The following ADAMTSL1 variants were observed in gnomAD, a reference collection of about 807,000 sequenced individuals.
The protein encoded by ADAMTSL1 is ADAMTS like 1, also known as ADAMTS-like protein 1.
Under a neutral mutation model 201.8 loss-of-function variants are expected in ADAMTSL1, and 126 were observed. The ratio of observed to expected loss-of-function variants is 0.62; its 90% confidence interval spans 0.54 to 0.72. ADAMTSL1 has a LOEUF of 0.72. Ranked by LOEUF, ADAMTSL1 falls within the 30% of genes least tolerant of loss-of-function variation. The probability of loss-of-function intolerance (pLI) is 0.00; values close to 1 mark genes in which losing one functional copy is unlikely to be tolerated. For missense variants in ADAMTSL1, 2,679 were observed against 2,277.8 expected (o/e 1.18, Z -3.59); for synonymous variants, 1,121 against 903.4 (o/e 1.24, Z -4.32).
chr9:18,409,759 A>G lies in ADAMTSL1; in HGVS notation c.208-95070A>G, dbSNP rs1458422956. The stretch of plus-strand genomic sequence containing the variant: ...AGTATCATGTATATATACATAACAT[A>G]TATGTATACATACATACATGTTATG... On this transcript the variant is annotated intron_variant, in intron 2 of 29. Coordinates refer to the ADAMTSL1 transcript ENST00000680146. Among the ~76,000 whole-genome samples, 3 of 150,596 alleles carry G rather than the reference A, an allele frequency of 2.0e-5. No homozygotes were observed. The East Asian group carries it at 6.0e-4, about 30-fold the overall frequency.
intron 4 of ADAMTSL1, among the ~76,000 whole-genome samples, chr9:18,621,784 C>G (rs1826048778): frequency 6.6e-6 from 1 of 152,184 alleles, no homozygotes; most frequent in Admixed American, 6.5e-5. Context: ...CCTTACGCAG[C>G]ATACGTTCTA....
chr9:18,886,244 A>T (rs1393909244), intron 23 of ADAMTSL1, among the ~76,000 whole-genome samples: 3 of 147,954 alleles, frequency 2.0e-5, no homozygotes, highest in African/African-American at 7.4e-5. Flanking sequence ...ATACAAGTAT[A>T]TACATACATA....
chr9:18,062,959 A>C (rs1822527638), intron 1 of ADAMTSL1, among the ~76,000 whole-genome samples: 1 of 152,196 alleles, frequency 6.6e-6, no homozygotes, highest in Non-Finnish European at 1.5e-5. Context: ...ATGGCACATT[A>C]TGCCAAGAAA....
chr9:18,226,026 A>C (rs183628624), intron 2 of ADAMTSL1, among the ~76,000 whole-genome samples: 129 of 152,200 alleles, frequency 8.5e-4, no homozygotes, highest in South Asian at 1.5e-3. Context: ...TTTAATAGGA[A>C]TTTAGGTTAG....
intron 23 of ADAMTSL1, among the ~76,000 whole-genome samples, chr9:18,844,851 G>C (rs1483246567): frequency 2.0e-5 from 3 of 152,218 alleles, no homozygotes; most frequent in Non-Finnish European, 2.9e-5. Flanking sequence ...CCATGTGCGG[G>C]ATATAATCTC....
chr9:18,146,714 G>A (rs1826662029), intron 1 of ADAMTSL1, among the ~76,000 whole-genome samples: 1 of 152,126 alleles, frequency 6.6e-6, no homozygotes, highest in Admixed American at 6.5e-5. Context: ...TGGTGAACAT[G>A]CGGTCTTCAG....
At chr9:18,532,544 A>AAAG (rs1333816485) in intron 2 of ADAMTSL1, among the ~76,000 whole-genome samples, 4 of 152,130 alleles carry the variant, frequency 2.6e-5, no homozygotes, top group African/African-American at 9.6e-5. Context: ...TGGTGTTTTT[A>AAAG]AAGTTATTTA....
chr9:18,905,967 C>A, intron 27 of ADAMTSL1, 76 bp downstream of exon 27: 1 of 1,294,932 alleles, frequency 7.7e-7, no homozygotes, highest in South Asian at 1.3e-5. Context: ...GTGAATGTTT[C>A]TCCTCCAACT....
At chr9:17,933,916 A>G (rs1430370779) in intron 1 of ADAMTSL1, among the ~76,000 whole-genome samples, 1 of 152,152 alleles carries the variant, frequency 6.6e-6, no homozygotes, top group Non-Finnish European at 1.5e-5. Context: ...TCAACCTCAA[A>G]GATACTTGTT....
At position 18,465,736 on chromosome 9, in the gene ADAMTSL1, T is replaced by TTTTTGTTTTG. The variant is rs60866155; in HGVS notation, c.208-39073_208-39064dup. Among the ~76,000 whole-genome samples, 1,297 of 150,942 alleles carry TTTTTGTTTTG rather than the reference T, an allele frequency of 8.6e-3. 11 individuals carry two copies. The highest frequency in any genetic ancestry group is 9.8e-3 in the East Asian group (50 of 5,090). Reference sequence around the variant, plus strand: ...GGCTAATATCTCTGCCACAGGTATCTTTTTGTTTTGTTTTGTTTTGTTTTG... The same window carrying TTTTTGTTTTG: ...GGCTAATATCTCTGCCACAGGTATCTTTTTGTTTTGTTTTGTTTTGTTTTGTTTTGTTTTG... On this transcript the variant is annotated intron_variant, in intron 2 of 29. Coordinates refer to the ADAMTSL1 transcript ENST00000680146.
At chr9:18,896,609 C>T (rs759360212) in intron 26 of ADAMTSL1, among the ~76,000 whole-genome samples, 1 of 152,156 alleles carries the variant, frequency 6.6e-6, no homozygotes, top group Non-Finnish European at 1.5e-5. Flanking sequence ...AGGCCACTGG[C>T]CCACCTGGGA....
chr9:17,977,636 G>T (rs546680465), intron 1 of ADAMTSL1, among the ~76,000 whole-genome samples: 5 of 152,072 alleles, frequency 3.3e-5, no homozygotes, highest in African/African-American at 1.2e-4. Flanking sequence ...TATGATATCA[G>T]TTGTAATGTC....
At chr9:18,154,441 A>G (rs746956481) in intron 1 of ADAMTSL1, among the ~76,000 whole-genome samples, 8 of 152,026 alleles carry the variant, frequency 5.3e-5, no homozygotes, top group Non-Finnish European at 8.8e-5. Flanking sequence ...GGCTGGGTTC[A>G]GCTGGGACAC....
chr9:18,692,476 G>A (rs906646465), intron 13 of ADAMTSL1, among the ~76,000 whole-genome samples: 5 of 152,234 alleles, frequency 3.3e-5, no homozygotes, highest in Middle Eastern at 3.4e-3. Context: ...CTGAACTGTC[G>A]CTTAGCAGAG....
intron 16 of ADAMTSL1, among the ~76,000 whole-genome samples, chr9:18,755,865 C>G (rs1234878415): frequency 6.6e-6 from 1 of 151,750 alleles, no homozygotes; most frequent in Non-Finnish European, 1.5e-5. Context: ...TGAAGTTCAT[C>G]CAATGCATCA....
chr9:18,396,293 G>A (rs1817750780), intron 2 of ADAMTSL1, among the ~76,000 whole-genome samples: 1 of 152,014 alleles, frequency 6.6e-6, no homozygotes, highest in African/African-American at 2.4e-5. Context: ...GGAATGTCAG[G>A]GTGCCCCCTC....
intron 2 of ADAMTSL1, among the ~76,000 whole-genome samples, chr9:18,249,881 G>C (rs761551853): frequency 6.6e-6 from 1 of 152,186 alleles, no homozygotes; most frequent in African/African-American, 2.4e-5. Context: ...GACAGGGACA[G>C]GGTTCTCCGA....
At chr9:18,368,063 C>A (rs1202501781) in intron 2 of ADAMTSL1, among the ~76,000 whole-genome samples, 2 of 148,396 alleles carry the variant, frequency 1.3e-5, no homozygotes, top group South Asian at 2.2e-4. Flanking sequence ...CCACGCCAGG[C>A]TAATTTTTTT....
intron 2 of ADAMTSL1, among the ~76,000 whole-genome samples, chr9:18,252,177 A>C (rs1377312639): frequency 6.6e-6 from 1 of 152,166 alleles, no homozygotes; most frequent in Non-Finnish European, 1.5e-5. Flanking sequence ...GGAAAAATGA[A>C]GGGTTAGTAT....
Sources: gnomAD v4.1 joint callset for allele counts (sites outside exome capture counted in the v4.1 genomes callset) on GRCh38, gnomAD v4.1.1 for gene constraint, MANE v1.5 for transcripts, NCBI Gene and HGNC (gene_info 2026-07-23, HGNC 2026-07-21) for gene names.